GLCE: variants seen among roughly 807,000 people sequenced by gnomAD.
GLCE encodes D-glucuronyl C5-epimerase.
A neutral mutation model predicts 47.9 loss-of-function variants in GLCE; 19 were observed. The ratio of observed to expected loss-of-function variants is 0.40; its 90% CI spans 0.28 to 0.58. GLCE has a LOEUF of 0.58. GLCE is among the 20% of genes least tolerant of loss of function. The probability of loss-of-function intolerance (pLI) is 0.48; values close to 1 mark genes in which losing one functional copy is unlikely to be tolerated. For missense variants in GLCE, 556 were observed against 743.3 expected (o/e 0.75, Z 2.93); for synonymous variants, 245 against 263.4 (o/e 0.93, Z 0.68).
Position 69,256,233 on chromosome 15 carries a change from G to A in GLCE, c.427G>A (p.Val143Met), listed in dbSNP as rs200151782. 5.5e-5 allele frequency: 88 copies of A among 1,614,080 alleles called. No individual in the cohort carries two copies. Among genetic ancestry groups the A allele is most frequent in the Admixed American group, 4.3e-4 (26 of 60,016 alleles). The stretch of plus-strand genomic sequence containing the variant: ...GAAATATTTTGATGTTTATGGAAAG[G>A]TGGTTCAGTATGATGGCTATGATCG... Reference protein sequence around the residue: ...VEKYFDVYGKVVQYDGYDRFE... With the variant: ...VEKYFDVYGKMVQYDGYDRFE... Residue 143 changes from valine (V) to methionine (M), a missense_variant, in exon 3 of 5, where the codon GTG becomes ATG. Physicochemically the swap from Val to Met is conservative, Grantham distance 21 (BLOSUM62 1). Coordinates refer to ENST00000261858, the MANE Select transcript of GLCE (RefSeq NM_015554.3).
intron 2 of GLCE, among the ~76,000 whole-genome samples, chr15:69,253,625 T>C (rs2052880409): frequency 6.6e-6 from 1 of 152,164 alleles, no homozygotes; most frequent in Admixed American, 6.5e-5. Context: ...AATCATCTAA[T>C]ATATTCAGAG....
intron 1 of GLCE, among the ~76,000 whole-genome samples, chr15:69,165,289 C>T (rs2140322446): frequency 6.6e-6 from 1 of 152,276 alleles, no homozygotes; most frequent in Non-Finnish European, 1.5e-5. Context: ...TCTATCGTTA[C>T]AAGGCCTTTC....
At chr15:69,209,994 C>G (rs187212670) in intron 1 of GLCE, among the ~76,000 whole-genome samples, 3 of 152,028 alleles carry the variant, frequency 2.0e-5, no homozygotes, top group Non-Finnish European at 2.9e-5. Context: ...TTGCACACTT[C>G]CTTGTGAGTC....
rs572732679 is a variant in GLCE, at chr15:69,222,276, G to C, written c.-14+11870G>C. On this transcript the variant is annotated intron_variant, in intron 2 of 4. Transcript: ENST00000261858. ...CGGGTCCATGGGCTTAAGTGCTCCT[G>C]TGGGAGCATTGCAGGTGGGAGGCAT... is the stretch of plus-strand genomic sequence containing the variant. 7.9e-5 allele frequency among the ~76,000 whole-genome samples: 12 copies of C among 152,342 alleles called. 1 individual carries two copies. The South Asian group carries it at 2.5e-3, about 32-fold the overall frequency.
intron 4 of GLCE, 23 bp downstream of exon 4, chr15:69,261,352 C>T (rs200930379): frequency 5.6e-6 from 9 of 1,599,770 alleles, no homozygotes. Context: ...TTATATGTGC[C>T]TGCTAATTTT....
chr15:69,258,079 A>G (rs2052955471), intron 3 of GLCE, among the ~76,000 whole-genome samples: 1 of 151,820 alleles, frequency 6.6e-6, no homozygotes, highest in Admixed American at 6.6e-5. Context: ...TTTGTTTTAC[A>G]GATTATTTTG....
chr15:69,209,532 T>C (rs1414895654), intron 1 of GLCE, among the ~76,000 whole-genome samples: 1 of 152,126 alleles, frequency 6.6e-6, no homozygotes, highest in East Asian at 1.9e-4. Flanking sequence ...TACCACCCAT[T>C]GCCAGTCTGG....
At chr15:69,185,096 G>A (rs1185879010) in intron 1 of GLCE, among the ~76,000 whole-genome samples, 1 of 152,182 alleles carries the variant, frequency 6.6e-6, no homozygotes, top group African/African-American at 2.4e-5. Context: ...CCTTGGTTGT[G>A]TTCTAATGCT....
At chr15:69,230,491 G>A (rs2052508012) in intron 2 of GLCE, among the ~76,000 whole-genome samples, 1 of 152,152 alleles carries the variant, frequency 6.6e-6, no homozygotes, top group Admixed American at 6.5e-5. Context: ...GTTGGGGTCT[G>A]CAACATTATT....
intron 1 of GLCE, among the ~76,000 whole-genome samples, chr15:69,200,094 C>A (rs2052056096): frequency 1.3e-5 from 2 of 151,998 alleles, no homozygotes; most frequent in Admixed American, 6.6e-5. Flanking sequence ...TAGCCTGTGA[C>A]AAAATTTTTC....
intron 1 of GLCE, among the ~76,000 whole-genome samples, chr15:69,178,700 A>G (rs1304650463): frequency 1.3e-5 from 2 of 152,180 alleles, no homozygotes; most frequent in African/African-American, 2.4e-5. Context: ...AATCACTGTT[A>G]TATACTGTAG....
At chr15:69,239,053 C>T (rs537793550) in intron 2 of GLCE, among the ~76,000 whole-genome samples, 1 of 152,240 alleles carries the variant, frequency 6.6e-6, no homozygotes, top group South Asian at 2.1e-4. Context: ...CTGTGGGTTT[C>T]CTCCCAGGGT....
intron 2 of GLCE, among the ~76,000 whole-genome samples, chr15:69,230,163 G>A (rs1001841714): frequency 2.0e-5 from 3 of 151,114 alleles, no homozygotes; most frequent in Non-Finnish European, 4.4e-5. Flanking sequence ...AGCCAAGATC[G>A]CGCCATTGTA....
chr15:69,240,332 A>G (rs1298276226), intron 2 of GLCE, among the ~76,000 whole-genome samples: 1 of 128,288 alleles, frequency 7.8e-6, no homozygotes, highest in Non-Finnish European at 1.7e-5. Flanking sequence ...TTGAGGAGAC[A>G]GACTCTGAAA....
chr15:69,166,406 GA>G (rs1270159639), intron 1 of GLCE, among the ~76,000 whole-genome samples: 2 of 152,180 alleles, frequency 1.3e-5, no homozygotes, highest in Non-Finnish European at 2.9e-5. Context: ...GTAAATTGAA[GA>G]AGTAGGTTGT....
At position 69,268,832 on chromosome 15, in the gene GLCE, C is replaced by G. The variant is rs1181013309; in HGVS notation, c.1442C>G (p.Ser481Cys). The change falls in exon 5 of 5, where the codon TCT (serine) becomes TGT (cysteine). Residue 481 changes from serine to cysteine, a missense_variant. By Grantham distance (112) the Ser-to-Cys change is moderately radical. Around this residue, in one of 3 missense-constraint regions of GLCE, gnomAD observed 245 missense variants for 368.1 expected, o/e 0.67. Coordinates refer to ENST00000261858, the MANE Select transcript of GLCE (RefSeq NM_015554.3). The stretch of plus-strand genomic sequence containing the variant: ...GCAACAGCCCCTTATAAGTTTCTAT[C>G]TGAGCAGCATGGAGTTAAAGCTGTG... ...LRATAPYKFL[S>C]EQHGVKAVFM... 6.2e-7 allele frequency: 1 copy of G among 1,614,198 alleles called. No individual in the cohort carries two copies. The highest frequency in any genetic ancestry group is 8.5e-7 in the Non-Finnish European group (1 of 1,180,008).
chr15:69,167,823 GTTT>G (rs79073362), intron 1 of GLCE, among the ~76,000 whole-genome samples: 1 of 135,626 alleles, frequency 7.4e-6, no homozygotes. Flanking sequence ...CTTGGGAAAA[GTTT>G]TTTTTTTTTT....
At chr15:69,232,217 A>C (rs532627333) in intron 2 of GLCE, among the ~76,000 whole-genome samples, 1 of 152,230 alleles carries the variant, frequency 6.6e-6, no homozygotes, top group Non-Finnish European at 1.5e-5. Context: ...TGTGTCTGGT[A>C]TGTTAACGAG....
chr15:69,186,260 G>T (rs2051822140), intron 1 of GLCE, among the ~76,000 whole-genome samples: 3 of 152,050 alleles, frequency 2.0e-5, no homozygotes, highest in African/African-American at 7.2e-5. Context: ...CAGAGAGGCT[G>T]GGTAGATTAA....
Sources: gnomAD v4.1 joint callset for allele counts (sites outside exome capture counted in the v4.1 genomes callset) on GRCh38, gnomAD v4.1.1 for gene constraint, gnomAD v4.1.1 regional missense constraint, MANE v1.5 for transcripts, NCBI Gene and HGNC (gene_info 2026-07-23, HGNC 2026-07-21) for gene names.